The following FERRY3 variants were observed in gnomAD, a reference collection of about 807,000 sequenced individuals.
FERRY3 encodes the protein FERRY endosomal RAB5 effector complex subunit 3.
the FERRY3 span, chr12:4,505,156 G>A: frequency 1.6e-6 from 1 of 612,394 alleles, no homozygotes; most frequent in African/African-American, 1.9e-5. Context: ...GTCTGTGAAA[G>A]TGTATTATAT....
chr12:4,521,206 A>C, the FERRY3 span, among the ~76,000 whole-genome samples: 1 of 152,122 alleles, frequency 6.6e-6, no homozygotes, highest in African/African-American at 2.4e-5. Flanking sequence ...TAAAAATACA[A>C]AAATTAGCCA....
chr12:4,519,943 A>G, the FERRY3 span, among the ~76,000 whole-genome samples: 10 of 152,212 alleles, frequency 6.6e-5, no homozygotes, highest in African/African-American at 2.2e-4. This position sits in a 1 kb window ranked among gnomAD's most constrained non-coding sequence, Gnocchi z 4.3. Context: ...TGATCTACAA[A>G]ATCATACTTT....
chr12:4,494,605 T>C, the FERRY3 span, among the ~76,000 whole-genome samples: 1 of 152,268 alleles, frequency 6.6e-6, no homozygotes, highest in Non-Finnish European at 1.5e-5. Context: ...CTGCATTGCC[T>C]TGGCATCTTT....
chr12:4,501,883 T>C, the FERRY3 span, among the ~76,000 whole-genome samples: 1 of 152,192 alleles, frequency 6.6e-6, no homozygotes, highest in African/African-American at 2.4e-5. Context: ...GCCAAAAACG[T>C]TGGGGACCAC....
At chr12:4,523,170 G>A in the FERRY3 span, among the ~76,000 whole-genome samples, 2 of 152,086 alleles carry the variant, frequency 1.3e-5, no homozygotes, top group African/African-American at 4.8e-5. Flanking sequence ...TCACATATAA[G>A]GGTTCCATAT....
the FERRY3 span, among the ~76,000 whole-genome samples, chr12:4,516,347 A>C: frequency 6.6e-6 from 1 of 152,222 alleles, no homozygotes; most frequent in Admixed American, 6.5e-5. Flanking sequence ...CACAGAGTCC[A>C]AGCTTCTGAA....
the FERRY3 span, chr12:4,490,538 T>C: frequency 6.2e-7 from 1 of 1,606,472 alleles, no homozygotes; most frequent in South Asian, 1.1e-5. Context: ...TACTAGAAAT[T>C]GCACTGTCCT....
chr12:4,532,102 T>G, the FERRY3 span, among the ~76,000 whole-genome samples: 1 of 151,742 alleles, frequency 6.6e-6, no homozygotes, highest in Admixed American at 6.6e-5. Context: ...TTTTTTTTTT[T>G]TTTTAGCTCA....
At chr12:4,494,089 T>C in the FERRY3 span, among the ~76,000 whole-genome samples, 4 of 151,954 alleles carry the variant, frequency 2.6e-5, no homozygotes, top group Non-Finnish European at 4.4e-5. Context: ...CAGGACTCCG[T>C]CTCAAAAAAT....
the FERRY3 span, chr12:4,534,440 G>A: frequency 1.0e-6 from 1 of 962,778 alleles, no homozygotes; most frequent in Non-Finnish European, 1.5e-6. Context: ...CTCTCTCTCT[G>A]TTACACAGGC....
At chr12:4,525,708 A>G in the FERRY3 span, 1 of 669,184 alleles carries the variant, frequency 1.5e-6, no homozygotes, top group African/African-American at 1.8e-5. Flanking sequence ...TGTGTCCAGG[A>G]ATGAGAATTG....
At chr12:4,518,448 A>G in the FERRY3 span, among the ~76,000 whole-genome samples, 1 of 152,252 alleles carries the variant, frequency 6.6e-6, no homozygotes, top group Admixed American at 6.5e-5. Flanking sequence ...ATAAATATAC[A>G]AAACTTAAAG....
the FERRY3 span, among the ~76,000 whole-genome samples, chr12:4,531,106 C>T: frequency 6.6e-6 from 1 of 152,134 alleles, no homozygotes; most frequent in Admixed American, 6.5e-5. Flanking sequence ...TGAACTCAGT[C>T]AGTCAACAGG....
the FERRY3 span, among the ~76,000 whole-genome samples, chr12:4,529,681 G>A: frequency 5.3e-5 from 8 of 151,904 alleles, no homozygotes; most frequent in African/African-American, 7.3e-5. Flanking sequence ...CACTCAGAAG[G>A]TATATAAACC....
chr12:4,525,184 A>G, the FERRY3 span: 1 of 1,531,104 alleles, frequency 6.5e-7, no homozygotes, highest in East Asian at 2.3e-5. Context: ...AAAAGGTTTA[A>G]CTTTGTAGTA....
chr12:4,490,680 G>T, the FERRY3 span: 1 of 1,013,990 alleles, frequency 9.9e-7, no homozygotes. Flanking sequence ...TTTCACTGTG[G>T]GGCTTCATGT....
At chr12:4,530,767 G>A in the FERRY3 span, among the ~76,000 whole-genome samples, 1 of 152,116 alleles carries the variant, frequency 6.6e-6, no homozygotes, top group South Asian at 2.1e-4. Flanking sequence ...CAGAAACAGG[G>A]AGAAACAAAA....
the FERRY3 span, among the ~76,000 whole-genome samples, chr12:4,503,213 A>G: frequency 2.6e-5 from 4 of 152,298 alleles, no homozygotes; most frequent in African/African-American, 7.2e-5. Context: ...CCCATTAATA[A>G]AATGGGGGCC....
At chr12:4,494,874 C>T in the FERRY3 span, among the ~76,000 whole-genome samples, 1 of 152,112 alleles carries the variant, frequency 6.6e-6, no homozygotes, top group Non-Finnish European at 1.5e-5. Context: ...ATAAGAATTC[C>T]AATTGAGATT....
Sources: gnomAD v4.1 joint callset for allele counts (sites outside exome capture counted in the v4.1 genomes callset) on GRCh38, gnomAD v4.1.1 for gene constraint, Gnocchi (gnomAD v3.1) non-coding constraint, MANE v1.5 for transcripts, NCBI Gene and HGNC (gene_info 2026-07-23, HGNC 2026-07-21) for gene names.